Variants in EPB41L2 observed in about 807,000 individuals in gnomAD.
EPB41L2 encodes the protein band 4.1-like protein 2.
EPB41L2 carries 43 observed loss-of-function variants against 113.0 expected under a neutral mutation model. The ratio of observed to expected loss-of-function variants is 0.38; its 90% CI spans 0.30 to 0.49. EPB41L2 has a LOEUF of 0.49. Among genes scored for constraint, EPB41L2 ranks in the 20% least tolerant of loss-of-function variants. The pLI, the probability that EPB41L2 is intolerant of heterozygous loss-of-function variation, is 0.95. For synonymous variants in EPB41L2, 442 were observed against 436.7 expected (o/e 1.01, Z -0.15); for missense variants, 1,147 against 1,223.4 (o/e 0.94, Z 0.93).
chr6:130,946,966 A>G (rs1205466620), intron 3 of EPB41L2, among the ~76,000 whole-genome samples: 3 of 151,686 alleles, frequency 2.0e-5, no homozygotes, highest in Non-Finnish European at 4.4e-5. Flanking sequence ...AAAAAAAATT[A>G]TCTATAGAGA....
intron 1 of EPB41L2, among the ~76,000 whole-genome samples, chr6:131,050,914 G>A (rs748448509): frequency 1.6e-4 from 25 of 152,102 alleles, no homozygotes; most frequent in Non-Finnish European, 2.9e-4. Flanking sequence ...TCAAGTATAT[G>A]TGTGACAACA....
chr6:130,884,390 A>T (rs984596722), intron 12 of EPB41L2, among the ~76,000 whole-genome samples: 1 of 152,216 alleles, frequency 6.6e-6, no homozygotes, highest in African/African-American at 2.4e-5. Context: ...TGATGGATTC[A>T]TTTGTTTTTA....
chr6:130,917,228 A>C (rs910355575), intron 4 of EPB41L2, among the ~76,000 whole-genome samples: 15 of 152,234 alleles, frequency 9.9e-5, no homozygotes, highest in African/African-American at 3.4e-4. Context: ...CCCAAAATAC[A>C]GTCATAAAAT....
chr6:130,899,811 T>C (rs940522923), intron 7 of EPB41L2, among the ~76,000 whole-genome samples: 1 of 152,104 alleles, frequency 6.6e-6, no homozygotes, highest in African/African-American at 2.4e-5. Flanking sequence ...CTCTTACCCA[T>C]TTTATCTTAA....
chr6:130,894,488 A>C, intron 9 of EPB41L2, 47 bp from the exon 10 acceptor site: 3 of 1,523,726 alleles, frequency 2.0e-6, no homozygotes, highest in Non-Finnish European at 2.7e-6. Context: ...TTAAGAACTG[A>C]CTAGAAGTTA....
At chr6:130,958,220 G>C (rs1818106029) in intron 1 of EPB41L2, among the ~76,000 whole-genome samples, 1 of 152,154 alleles carries the variant, frequency 6.6e-6, no homozygotes, top group Non-Finnish European at 1.5e-5. Flanking sequence ...GGGAGGTCGA[G>C]GAGGGTGGAC....
At chr6:130,971,571 T>C (rs555075922) in intron 1 of EPB41L2, among the ~76,000 whole-genome samples, 2 of 152,358 alleles carry the variant, frequency 1.3e-5, no homozygotes, top group East Asian at 3.9e-4. Flanking sequence ...TTCTACAACA[T>C]GGAGCCACTG....
chr6:130,956,057 GACTTCA>G lies in EPB41L2; in HGVS notation c.423_428del (p.Glu142_Val143del). ...TGCTCACTGAGGGTTTTTCTTCCTT[GACTTCA>G]ACTTTAATCTCTTGTTTCTTCTGAG... On this transcript the variant is annotated inframe_deletion, in exon 2 of 20. Coordinates refer to ENST00000337057, the MANE Select transcript of EPB41L2 (RefSeq NM_001431.4). 6.2e-7 allele frequency: 1 copy of G among 1,613,848 alleles called. No homozygotes were observed. The highest frequency in any genetic ancestry group is 1.1e-5 in the South Asian group (1 of 91,028).
intron 4 of EPB41L2, among the ~76,000 whole-genome samples, chr6:130,909,979 A>G (rs1423287082): frequency 1.3e-5 from 2 of 152,232 alleles, no homozygotes; most frequent in Non-Finnish European, 2.9e-5. Context: ...ATTCAATGCT[A>G]TCTCCATCAA....
chr6:131,041,430 C>T (rs10457565), intron 1 of EPB41L2, among the ~76,000 whole-genome samples: 17,787 of 152,148 alleles, frequency 0.12, 1,873 homozygotes, highest in African/African-American at 0.28. Context: ...GCTAGAAACA[C>T]CTGAGCTCAC....
At chr6:131,062,258 T>A (rs1355685606) in intron 1 of EPB41L2, 2 of 151,480 alleles carry the variant, frequency 1.3e-5, no homozygotes, top group African/African-American at 4.8e-5. Flanking sequence ...GCATAACTGA[T>A]GTCCCACCAC....
At chr6:130,868,078 T>C (rs1183972485) in intron 15 of EPB41L2, 1 of 159,918 alleles carries the variant, frequency 6.3e-6, no homozygotes, top group Non-Finnish European at 1.4e-5. Flanking sequence ...GACTTGTCTC[T>C]ATTTTTATTA....
chr6:130,963,209 T>C (rs1028227372), intron 1 of EPB41L2, among the ~76,000 whole-genome samples: 2 of 152,186 alleles, frequency 1.3e-5, no homozygotes, highest in Non-Finnish European at 2.9e-5. Context: ...ATTCAGTTAC[T>C]TGTAGTCAAA....
intron 1 of EPB41L2, among the ~76,000 whole-genome samples, chr6:131,041,008 A>G (rs1475714909): frequency 6.6e-6 from 1 of 152,224 alleles, no homozygotes; most frequent in African/African-American, 2.4e-5. Flanking sequence ...AAGGAGAAGA[A>G]CTATTTTAGA....
intron 1 of EPB41L2, among the ~76,000 whole-genome samples, chr6:130,990,553 C>T (rs1781583949): frequency 6.6e-6 from 1 of 151,884 alleles, no homozygotes; most frequent in Non-Finnish European, 1.5e-5. Flanking sequence ...AGTCTATGTA[C>T]AAGAAACCTA....
intron 12 of EPB41L2, among the ~76,000 whole-genome samples, chr6:130,884,332 T>C (rs966389126): frequency 2.6e-5 from 4 of 151,764 alleles, no homozygotes; most frequent in African/African-American, 7.3e-5. Context: ...CGAAACTTCA[T>C]CTCGAAAAAA....
intron 18 of EPB41L2, among the ~76,000 whole-genome samples, chr6:130,861,776 G>T (rs1204251315): frequency 6.6e-6 from 1 of 151,518 alleles, no homozygotes; most frequent in Non-Finnish European, 1.5e-5. Context: ...GGAGGCTGAG[G>T]CAGGAGAATC....
At chr6:131,022,129 C>T (rs906061145) in intron 1 of EPB41L2, among the ~76,000 whole-genome samples, 4 of 151,978 alleles carry the variant, frequency 2.6e-5, no homozygotes, top group Non-Finnish European at 4.4e-5. Context: ...GATGGGAGAC[C>T]GTTACTGATC....
At chr6:131,019,552 T>G (rs538649523) in intron 1 of EPB41L2, among the ~76,000 whole-genome samples, 5 of 152,188 alleles carry the variant, frequency 3.3e-5, no homozygotes, top group Admixed American at 6.5e-5. Flanking sequence ...AAGACATTAT[T>G]TAGCATGGTA....
Sources: gnomAD v4.1 joint callset for allele counts (sites outside exome capture counted in the v4.1 genomes callset) on GRCh38, gnomAD v4.1.1 for gene constraint, MANE v1.5 for transcripts, NCBI Gene and HGNC (gene_info 2026-07-23, HGNC 2026-07-21) for gene names.